EFHD1: variants seen among roughly 807,000 people sequenced by gnomAD.
The protein encoded by EFHD1 is EF-hand domain-containing protein D1.
Under a neutral mutation model 17.2 loss-of-function variants are expected in EFHD1, and 10 were observed. The observed-to-expected ratio is 0.58, with a 90% CI of 0.36 to 0.99. The LOEUF is 0.99. EFHD1 is among the 50% of genes least tolerant of loss of function. The pLI is 0.01. For synonymous variants in EFHD1, 153 were observed against 142.0 expected, an observed-to-expected ratio of 1.08 and a Z score of -0.55; for missense variants, 310 against 327.5, an observed-to-expected ratio of 0.95 and a Z score of 0.41.
chr2:232,681,806 T>A lies in EFHD1; in HGVS notation c.*87T>A. 6.6e-7 allele frequency: 1 copy of A among 1,507,408 alleles called. No individual in the cohort carries two copies. The highest frequency in any genetic ancestry group is 8.9e-7 in the Non-Finnish European group (1 of 1,125,752). 93.4% of individuals were successfully genotyped at this position (1,507,408 alleles called of 1,614,324 possible). A position where few individuals can be genotyped will look rare whatever the true frequency, so the allele number is the denominator to read the frequency against. ...TAGGCATCTTCATCACTGCTGTCGGTCCCCTCCCTGAGCCAGCATCTCCAT... is the reference window on the plus strand; with the variant it reads ...TAGGCATCTTCATCACTGCTGTCGGACCCCTCCCTGAGCCAGCATCTCCAT... On this transcript the variant is annotated 3_prime_UTR_variant, in exon 4 of 4. Coordinates refer to ENST00000264059, the MANE Select transcript of EFHD1 (RefSeq NM_025202.4).
chr2:232,670,628 A>C (rs940859371), intron 2 of EFHD1, among the ~76,000 whole-genome samples: 1 of 151,520 alleles, frequency 6.6e-6, no homozygotes, highest in Admixed American at 6.7e-5. Flanking sequence ...TGATAAATAA[A>C]AATAAATTTC....
intron 1 of EFHD1, among the ~76,000 whole-genome samples, chr2:232,645,452 G>C (rs1357245168): frequency 6.6e-6 from 1 of 152,152 alleles, no homozygotes; most frequent in African/African-American, 2.4e-5. Flanking sequence ...AGCACCCACT[G>C]TGCCTTGGGA....
chr2:232,654,069 T>C (rs927076577), intron 1 of EFHD1, among the ~76,000 whole-genome samples: 1 of 151,862 alleles, frequency 6.6e-6, no homozygotes, highest in Non-Finnish European at 1.5e-5. Context: ...TAGGTGGGTG[T>C]GGTGGTGGGC....
At chr2:232,676,808 A>G (rs1488154481) in intron 3 of EFHD1, among the ~76,000 whole-genome samples, 1 of 152,066 alleles carries the variant, frequency 6.6e-6, no homozygotes, top group Non-Finnish European at 1.5e-5. Flanking sequence ...GTATAAGGAA[A>G]CCCTGGGGAA....
intron 1 of EFHD1, among the ~76,000 whole-genome samples, chr2:232,656,481 C>T (rs1289344054): frequency 1.3e-5 from 2 of 150,690 alleles, no homozygotes; most frequent in African/African-American, 4.9e-5. Context: ...GTCACCCAGG[C>T]TGGAGTGCAG....
chr2:232,615,806 G>C (rs961333347), intron 1 of EFHD1, among the ~76,000 whole-genome samples: 1 of 149,106 alleles, frequency 6.7e-6, no homozygotes, highest in Non-Finnish European at 1.5e-5. Flanking sequence ...TCCTGCCTCA[G>C]TCTCCCGAGT....
intron 1 of EFHD1, among the ~76,000 whole-genome samples, chr2:232,638,660 G>A (rs1694365980): frequency 1.3e-5 from 2 of 152,214 alleles, no homozygotes; most frequent in Non-Finnish European, 2.9e-5. Flanking sequence ...AGGTGGAGGT[G>A]AGGCTGCCTG....
intron 1 of EFHD1, chr2:232,638,151 G>A (rs755698997): frequency 2.8e-5 from 9 of 325,144 alleles, no homozygotes; most frequent in South Asian, 1.4e-4. Flanking sequence ...ACTCTACAGC[G>A]TGTATCCGTG....
intron 1 of EFHD1, among the ~76,000 whole-genome samples, chr2:232,660,229 C>T (rs183185358): frequency 3.4e-4 from 52 of 150,982 alleles, no homozygotes; most frequent in Non-Finnish European, 4.4e-4. Context: ...GAATCTTGCT[C>T]TGTCACCCAG....
At chr2:232,677,214 A>ACACG (rs1464385975) in intron 3 of EFHD1, among the ~76,000 whole-genome samples, 13 of 68,454 alleles carry the variant, frequency 1.9e-4, no homozygotes, top group Admixed American at 1.6e-3. Flanking sequence ...CTCTACACAC[A>ACACG]CACACACACA....
At chr2:232,648,870 G>A (rs1454819854) in intron 1 of EFHD1, among the ~76,000 whole-genome samples, 3 of 152,142 alleles carry the variant, frequency 2.0e-5, no homozygotes, top group Admixed American at 1.3e-4. Context: ...CTTTCTGTGT[G>A]AAGAGAAGAA....
intron 1 of EFHD1, among the ~76,000 whole-genome samples, chr2:232,645,846 C>T (rs1428577399): frequency 2.0e-5 from 3 of 152,204 alleles, no homozygotes; most frequent in Non-Finnish European, 4.4e-5. Flanking sequence ...ACCTTGTAAG[C>T]GGTAGAGCTG....
At chr2:232,634,049 G>T in intron 1 of EFHD1, 43 bp downstream of exon 1, 6 of 1,592,192 alleles carry the variant, frequency 3.8e-6, no homozygotes, top group Non-Finnish European at 5.1e-6. Context: ...GACCAGGGAG[G>T]GAGCGGGAGG....
intron 1 of EFHD1, among the ~76,000 whole-genome samples, chr2:232,656,157 G>A (rs1694758126): frequency 6.6e-6 from 1 of 152,148 alleles, no homozygotes; most frequent in African/African-American, 2.4e-5. Context: ...CACTGACCAG[G>A]CCCATGGCCT....
chr2:232,638,255 A>G (rs945298734), intron 1 of EFHD1: 12 of 439,350 alleles, frequency 2.7e-5, no homozygotes, highest in Non-Finnish European at 5.2e-5. Context: ...GGAGGCAATG[A>G]GGGCAGCCAC....
At chr2:232,652,637 T>A (rs909852380) in intron 1 of EFHD1, among the ~76,000 whole-genome samples, 2 of 152,160 alleles carry the variant, frequency 1.3e-5, no homozygotes, top group Non-Finnish European at 2.9e-5. Flanking sequence ...TTCACAGGAC[T>A]GTTGTGAAGA....
chr2:232,619,286 A>G (rs1256512080), intron 1 of EFHD1, among the ~76,000 whole-genome samples: 1 of 150,662 alleles, frequency 6.6e-6, no homozygotes, highest in Non-Finnish European at 1.5e-5. Context: ...GGAGGGGGAA[A>G]TAAAGGGTGA....
intron 1 of EFHD1, among the ~76,000 whole-genome samples, chr2:232,619,353 T>G (rs1335477424): frequency 6.7e-6 from 1 of 148,900 alleles, no homozygotes; most frequent in Admixed American, 6.7e-5. Flanking sequence ...TCTTTTTCCC[T>G]AGGCTGGAGT....
At chr2:232,666,690 A>C (rs1258648760) in intron 2 of EFHD1, among the ~76,000 whole-genome samples, 1 of 152,150 alleles carries the variant, frequency 6.6e-6, no homozygotes, top group Admixed American at 6.5e-5. Flanking sequence ...CCCCGTTCCA[A>C]AGCTTCAGGG....
Sources: gnomAD v4.1 joint callset for allele counts (sites outside exome capture counted in the v4.1 genomes callset) on GRCh38, gnomAD v4.1.1 for gene constraint, MANE v1.5 for transcripts, NCBI Gene and HGNC (gene_info 2026-07-23, HGNC 2026-07-21) for gene names.